The following PDZRN4 variants were observed in gnomAD, a reference collection of about 807,000 sequenced individuals.
The protein encoded by PDZRN4 is PDZ domain-containing RING finger protein 4.
Under a neutral mutation model 99.0 loss-of-function variants are expected in PDZRN4, and 70 were observed. The ratio of observed to expected loss-of-function variants is 0.71; its 90% CI spans 0.58 to 0.86. The LOEUF (loss-of-function observed/expected upper bound fraction) is 0.86. PDZRN4 is among the 40% of genes least tolerant of loss of function. The pLI is 0.00. For synonymous variants in PDZRN4, 551 were observed against 501.6 expected (o/e 1.10, Z -1.32); for missense variants, 1,474 against 1,331.2 (o/e 1.11, Z -1.67).
At chr12:41,472,375 T>C (rs1953002159) in intron 3 of PDZRN4, among the ~76,000 whole-genome samples, 1 of 152,248 alleles carries the variant, frequency 6.6e-6, no homozygotes, top group Non-Finnish European at 1.5e-5. Flanking sequence ...ATTAATCCAC[T>C]GTGACAAAAC....
At chr12:41,201,376 G>T (rs2120664965) in intron 3 of PDZRN4, among the ~76,000 whole-genome samples, 1 of 152,008 alleles carries the variant, frequency 6.6e-6, no homozygotes, top group African/African-American at 2.4e-5. Flanking sequence ...CTTCTCCATT[G>T]TCAATAGATC....
chr12:41,559,206 CG>C, intron 7 of PDZRN4, among the ~76,000 whole-genome samples: 1 of 146,164 alleles, frequency 6.8e-6, no homozygotes, highest in East Asian at 2.1e-4. Context: ...CACACACACA[CG>C]TGCTGTCACA....
chr12:41,279,920 G>C (rs1951372185), intron 3 of PDZRN4, among the ~76,000 whole-genome samples: 1 of 152,104 alleles, frequency 6.6e-6, no homozygotes, highest in Non-Finnish European at 1.5e-5. Context: ...GGAATTCCTG[G>C]GCAAGATGGC....
chr12:41,509,283 G>A (rs904556477), intron 4 of PDZRN4, among the ~76,000 whole-genome samples: 6 of 152,108 alleles, frequency 3.9e-5, no homozygotes, highest in Non-Finnish European at 7.4e-5. Flanking sequence ...ATGAGGGAGA[G>A]TGAGAAAGGG....
chr12:41,435,331 G>A (rs1329416867), intron 3 of PDZRN4, among the ~76,000 whole-genome samples: 1 of 152,164 alleles, frequency 6.6e-6, no homozygotes, highest in Non-Finnish European at 1.5e-5. Flanking sequence ...AGAGAAGAGA[G>A]CTCCAATAAG....
At chr12:41,293,197 TCAA>T (rs529826586) in intron 3 of PDZRN4, among the ~76,000 whole-genome samples, 47 of 136,444 alleles carry the variant, frequency 3.4e-4, no homozygotes, top group African/African-American at 1.3e-3. Context: ...AAGCCCCACC[TCAA>T]TGCAAGGTGG....
At chr12:41,340,905 A>T (rs940182684) in intron 3 of PDZRN4, among the ~76,000 whole-genome samples, 1 of 151,900 alleles carries the variant, frequency 6.6e-6, no homozygotes, top group African/African-American at 2.4e-5. Flanking sequence ...AGACAAGGAC[A>T]CAACAAAAAA....
At chr12:41,497,652 C>T (rs1303653427) in intron 3 of PDZRN4, among the ~76,000 whole-genome samples, 7 of 152,088 alleles carry the variant, frequency 4.6e-5, no homozygotes, top group Non-Finnish European at 8.8e-5. Context: ...AGCCAGGAGG[C>T]AGCCATCTAT....
intron 3 of PDZRN4, among the ~76,000 whole-genome samples, chr12:41,393,711 T>C (rs1382408800): frequency 6.6e-6 from 1 of 152,200 alleles, no homozygotes; most frequent in Admixed American, 6.5e-5. Flanking sequence ...ATTTTCTCTA[T>C]GTAGGGCTGA....
At chr12:41,277,291 C>T (rs1031023405) in intron 3 of PDZRN4, among the ~76,000 whole-genome samples, 2 of 152,142 alleles carry the variant, frequency 1.3e-5, no homozygotes, top group Admixed American at 1.3e-4. Context: ...GAAGCCTTTT[C>T]ATTTTTCACG....
At chr12:41,524,092 A>G (rs1212189348) in intron 5 of PDZRN4, among the ~76,000 whole-genome samples, 1 of 152,196 alleles carries the variant, frequency 6.6e-6, no homozygotes, top group Non-Finnish European at 1.5e-5. Context: ...GGAAATTAAG[A>G]AAACAATTTC....
At chr12:41,386,255 A>G (rs908806410) in intron 3 of PDZRN4, among the ~76,000 whole-genome samples, 6 of 152,238 alleles carry the variant, frequency 3.9e-5, no homozygotes, top group Non-Finnish European at 8.8e-5. Context: ...AACCAACACA[A>G]GACAAAGATA....
At chr12:41,546,977 T>G (rs1938964014) in intron 5 of PDZRN4, among the ~76,000 whole-genome samples, 1 of 152,206 alleles carries the variant, frequency 6.6e-6, no homozygotes, top group Admixed American at 6.5e-5. Context: ...AAATCACAAA[T>G]GGCCGTGGAT....
chr12:41,378,194 G>T (rs530980164), intron 3 of PDZRN4, among the ~76,000 whole-genome samples: 2 of 152,230 alleles, frequency 1.3e-5, no homozygotes, highest in South Asian at 4.1e-4. Flanking sequence ...AAAGAATGTG[G>T]AATTATGCTA....
intron 3 of PDZRN4, among the ~76,000 whole-genome samples, chr12:41,356,271 T>A (rs1369878771): frequency 6.6e-6 from 1 of 152,084 alleles, no homozygotes; most frequent in East Asian, 1.9e-4. Context: ...TTTGAATTAA[T>A]GGAGATTGGA....
chr12:41,297,595 G>A (rs1951504671), intron 3 of PDZRN4, among the ~76,000 whole-genome samples: 1 of 152,142 alleles, frequency 6.6e-6, no homozygotes, highest in Non-Finnish European at 1.5e-5. Flanking sequence ...AAAGGTGCTA[G>A]GACATTGAAA....
chr12:41,202,637 T>A (rs1207912086), intron 3 of PDZRN4, among the ~76,000 whole-genome samples: 3 of 152,064 alleles, frequency 2.0e-5, no homozygotes, highest in African/African-American at 7.2e-5. Context: ...GTATCACTTA[T>A]TTTATAATCA....
At chr12:41,473,575 C>A (rs549396922) in intron 3 of PDZRN4, 5 of 152,334 alleles carry the variant, frequency 3.3e-5, no homozygotes, top group South Asian at 4.1e-4. Context: ...TGGCCATGGG[C>A]CCCATGGAAA....
chr12:41,305,995 C>A (rs1048834374), intron 3 of PDZRN4, among the ~76,000 whole-genome samples: 7 of 152,146 alleles, frequency 4.6e-5, no homozygotes, highest in African/African-American at 9.7e-5. Context: ...GTTTCAAAAA[C>A]ACAATAGTGG....
Sources: gnomAD v4.1 joint callset for allele counts (sites outside exome capture counted in the v4.1 genomes callset) on GRCh38, gnomAD v4.1.1 for gene constraint, MANE v1.5 for transcripts, NCBI Gene and HGNC (gene_info 2026-07-23, HGNC 2026-07-21) for gene names.